ARHGAP26: variants seen among roughly 807,000 people sequenced by gnomAD.
ARHGAP26 encodes Rho GTPase activating protein 26.
ARHGAP26 carries 38 observed loss-of-function variants against 104.8 expected under a neutral mutation model. The ratio of observed to expected loss-of-function variants is 0.36; its 90% CI spans 0.28 to 0.48. ARHGAP26 has a LOEUF of 0.48. Ranked by LOEUF, ARHGAP26 falls within the 20% of genes least tolerant of loss-of-function variation. The pLI, the probability that ARHGAP26 is intolerant of heterozygous loss-of-function variation, is 0.99. For missense variants in ARHGAP26, 704 were observed against 947.9 expected (o/e 0.74, Z 3.38); for synonymous variants, 341 against 340.0 (o/e 1.00, Z -0.03).
chr5:142,912,083 G>A (rs770510006), intron 9 of ARHGAP26, among the ~76,000 whole-genome samples: 13 of 152,076 alleles, frequency 8.5e-5, no homozygotes, highest in Non-Finnish European at 1.8e-4. Flanking sequence ...ATTGACAGAG[G>A]CAGGAGAAAC....
At chr5:142,922,406 A>G (rs1409792360) in intron 10 of ARHGAP26, among the ~76,000 whole-genome samples, 1 of 147,588 alleles carries the variant, frequency 6.8e-6, no homozygotes, top group African/African-American at 2.6e-5. Context: ...TACACCTTGT[A>G]TACATTGACA....
At chr5:143,073,048 A>G (rs1459481637) in intron 17 of ARHGAP26, among the ~76,000 whole-genome samples, 1 of 152,216 alleles carries the variant, frequency 6.6e-6, no homozygotes, top group Non-Finnish European at 1.5e-5. Flanking sequence ...TAAAATTTAA[A>G]GAAGAAATTG....
intron 11 of ARHGAP26, among the ~76,000 whole-genome samples, chr5:143,011,826 C>T (rs1043480660): frequency 2.0e-5 from 3 of 152,304 alleles, no homozygotes; most frequent in African/African-American, 7.2e-5. Context: ...ACCTAGACTT[C>T]GTGGTGACTT....
At chr5:142,801,431 C>CT (rs559629945) in intron 1 of ARHGAP26, among the ~76,000 whole-genome samples, 59 of 148,476 alleles carry the variant, frequency 4.0e-4, no homozygotes, top group African/African-American at 9.4e-4. Flanking sequence ...GCCACCATCT[C>CT]TTTTTTTTTT....
At chr5:142,774,768 A>C (rs957104222) in intron 1 of ARHGAP26, among the ~76,000 whole-genome samples, 1 of 152,142 alleles carries the variant, frequency 6.6e-6, no homozygotes, top group Non-Finnish European at 1.5e-5. Flanking sequence ...CCGGGCAACC[A>C]CTAATCTTTT....
intron 11 of ARHGAP26, among the ~76,000 whole-genome samples, chr5:142,976,070 A>G (rs1773044265): frequency 6.6e-6 from 1 of 152,204 alleles, no homozygotes; most frequent in African/African-American, 2.4e-5. Flanking sequence ...TTCACGAGAA[A>G]TTCTCACTCT....
intron 18 of ARHGAP26, among the ~76,000 whole-genome samples, chr5:143,131,463 C>G (rs1797346611): frequency 6.6e-6 from 1 of 152,120 alleles, no homozygotes; most frequent in South Asian, 2.1e-4. Context: ...TAATGAGAAC[C>G]AGGCCTATCG....
Position 143,121,055 on chromosome 5 carries a change from C to T in ARHGAP26, c.1606C>T (p.Leu536=), listed in dbSNP as rs1436447934. The change falls in exon 18 of 23, where the codon CTG becomes TTG. Residue 536 remains leucine (L), a synonymous_variant. Transcript: ENST00000645722. Reference sequence around the variant, plus strand: ...CCTTGGTGTGGTGTTTGGACCCACTCTGCTGAGGCCTCAGGAAGAAACAGT... The same window carrying T: ...CCTTGGTGTGGTGTTTGGACCCACTTTGCTGAGGCCTCAGGAAGAAACAGT... ...ANLGVVFGPT[L]LRPQEETVAA... is the part of the protein sequence containing the mutation. 2 of 1,613,806 alleles carry T rather than the reference C, an allele frequency of 1.2e-6. No homozygotes were observed. The highest frequency in any genetic ancestry group is 3.3e-5 in the Admixed American group (2 of 60,008).
chr5:143,178,696 T>A (rs1562560596), intron 20 of ARHGAP26, among the ~76,000 whole-genome samples: 1 of 152,206 alleles, frequency 6.6e-6, no homozygotes, highest in Non-Finnish European at 1.5e-5. Context: ...AGCTGAGAGC[T>A]TCACATTTCC....
chr5:143,187,887 C>T (rs941407776), intron 20 of ARHGAP26, among the ~76,000 whole-genome samples: 16 of 152,200 alleles, frequency 1.1e-4, no homozygotes, highest in Non-Finnish European at 1.5e-4. Context: ...CAGAGAGAAA[C>T]ATTTTGCTCT....
chr5:142,965,394 T>C (rs1428151611), intron 11 of ARHGAP26, among the ~76,000 whole-genome samples: 18 of 152,218 alleles, frequency 1.2e-4, no homozygotes, highest in Non-Finnish European at 2.9e-5. Flanking sequence ...TTGACACTTT[T>C]TGATACCGCT....
Position 143,056,316 on chromosome 5 carries a change from CTTTTTTTTTTT to C in ARHGAP26, c.1432+244_1432+254del, listed in dbSNP as rs10672936. Reference sequence around the variant, plus strand: ...AGCAGAGGACAGAAACTTCAGAAGTCTTTTTTTTTTTTTTTTTTTTTTTTGAGGGGAGGAGG... The same window carrying C: ...AGCAGAGGACAGAAACTTCAGAAGTCTTTTTTTTTTTTTGAGGGGAGGAGG... On this transcript the variant is annotated intron_variant, in intron 16 of 22. Transcript: ENST00000645722. 8.7e-4 allele frequency among the ~76,000 whole-genome samples: 70 copies of C among 80,098 alleles called. 1 individual carries two copies. Among genetic ancestry groups the C allele is most frequent in the Middle Eastern group, 8.1e-3 (1 of 124 alleles). 52.5% of individuals were successfully genotyped at this position (80,098 alleles called of 152,430 possible). A position where few individuals can be genotyped will look rare whatever the true frequency, so the allele number is the denominator to read the frequency against.
At chr5:142,862,941 A>G (rs569760760) in intron 1 of ARHGAP26, among the ~76,000 whole-genome samples, 3 of 152,210 alleles carry the variant, frequency 2.0e-5, no homozygotes, top group East Asian at 1.9e-4. Context: ...TGTTCTCTCA[A>G]TTGGATTTTT....
At chr5:142,894,181 G>T in intron 5 of ARHGAP26, 57 bp from the exon 6 acceptor site, 4 of 1,452,462 alleles carry the variant, frequency 2.8e-6, no homozygotes, top group South Asian at 1.2e-5. Context: ...CCTGCTTTCG[G>T]AATGCTATCC....
At chr5:142,836,802 T>G (rs1292713376) in intron 1 of ARHGAP26, among the ~76,000 whole-genome samples, 2 of 152,222 alleles carry the variant, frequency 1.3e-5, no homozygotes, top group African/African-American at 2.4e-5. Context: ...ATTTTACAGG[T>G]ATTATTTCAT....
Position 143,225,321 on chromosome 5 carries a change from G to A in ARHGAP26, c.*2875G>A, listed in dbSNP as rs1562647663. The A allele has an allele frequency of 5.5e-6, 1 of 182,028 alleles. No homozygotes were observed. Among genetic ancestry groups the A allele is most frequent in the Non-Finnish European group, 1.2e-5 (1 of 85,538 alleles). The allele number at this position is 182,028 out of a possible 1,614,324, so 11.3% of individuals were successfully genotyped here. A position where few individuals can be genotyped will look rare whatever the true frequency, so the allele number is the denominator to read the frequency against. On this transcript the variant is annotated 3_prime_UTR_variant, in exon 23 of 23. Transcript: ENST00000645722. ...TCCTGTCTCAGCCTCCCAAGTAGCT[G>A]GGACTACAGGCATGAGCCATCACAC...
At chr5:143,141,698 A>G (rs191310732) in intron 19 of ARHGAP26, among the ~76,000 whole-genome samples, 1 of 152,310 alleles carries the variant, frequency 6.6e-6, no homozygotes, top group East Asian at 1.9e-4. Context: ...AGTCAACTGT[A>G]AGTTAACGGG....
chr5:143,188,831 T>G (rs941061142), intron 20 of ARHGAP26, among the ~76,000 whole-genome samples: 1 of 152,172 alleles, frequency 6.6e-6, no homozygotes, highest in African/African-American at 2.4e-5. Flanking sequence ...GAGGGTAACC[T>G]AGAAAAAGGA....
intron 1 of ARHGAP26, among the ~76,000 whole-genome samples, chr5:142,773,588 T>C (rs1392378441): frequency 1.3e-5 from 2 of 152,226 alleles, no homozygotes; most frequent in African/African-American, 4.8e-5. Flanking sequence ...AGTGAAAACA[T>C]TGCCAGTTGT....
Sources: allele counts gnomAD v4.1 joint callset (sites outside exome capture counted in the v4.1 genomes callset), GRCh38; gene constraint gnomAD v4.1.1; transcripts MANE v1.5; gene names NCBI Gene and HGNC (gene_info 2026-07-23, HGNC 2026-07-21).